SNX10: variants seen among roughly 807,000 people sequenced by gnomAD.
SNX10 encodes sorting nexin-10.
Under a neutral mutation model 28.5 loss-of-function variants are expected in SNX10, and 25 were observed. The observed-to-expected ratio is 0.88, with a 90% CI of 0.64 to 1.22. The LOEUF (loss-of-function observed/expected upper bound fraction) is 1.22. Among genes scored for constraint, SNX10 ranks in the 50% most tolerant of loss-of-function variants. The pLI, the probability that SNX10 is intolerant of heterozygous loss-of-function variation, is 0.00. For synonymous variants in SNX10, 62 were observed against 81.4 expected, an observed-to-expected ratio of 0.76 and a Z score of 1.28; for missense variants, 223 against 242.6, an observed-to-expected ratio of 0.92 and a Z score of 0.54.
intron 1 of SNX10, among the ~76,000 whole-genome samples, chr7:26,328,081 G>T (rs905200864): frequency 7.9e-5 from 12 of 152,128 alleles, no homozygotes; most frequent in African/African-American, 2.9e-4. Context: ...TGCTAAGTAT[G>T]TTGGGCCCTA....
chr7:26,313,487 G>A lies in SNX10; in HGVS notation c.-24+21401G>A, dbSNP rs183647433. Among the ~76,000 whole-genome samples, 6 of 152,306 alleles carry A rather than the reference G, an allele frequency of 3.9e-5. No homozygotes were observed. The East Asian group carries it at 1.2e-3, about 29-fold the overall frequency. Reference sequence around the variant, plus strand: ...TTGTGATTGTTTTGCCAGCATGGGAGGACCTACTATATCTGGGACTCTATG... The same window carrying A: ...TTGTGATTGTTTTGCCAGCATGGGAAGACCTACTATATCTGGGACTCTATG... On this transcript the variant is annotated intron_variant, in intron 1 of 6. Coordinates refer to ENST00000338523, the MANE Select transcript of SNX10 (RefSeq NM_013322.3).
At chr7:26,297,152 A>G (rs1448093216) in intron 1 of SNX10, among the ~76,000 whole-genome samples, 1 of 152,240 alleles carries the variant, frequency 6.6e-6, no homozygotes, top group Non-Finnish European at 1.5e-5. Flanking sequence ...GCTGGAGTGC[A>G]GTGGCACAAT....
chr7:26,362,087 T>C (rs1789098905), intron 3 of SNX10, among the ~76,000 whole-genome samples: 1 of 152,240 alleles, frequency 6.6e-6, no homozygotes, highest in South Asian at 2.1e-4. Flanking sequence ...TAAATTCTCC[T>C]TTCTTCTCTT....
intron 1 of SNX10, among the ~76,000 whole-genome samples, chr7:26,325,306 A>AATATATATATATATATATAT (rs149785859): frequency 0.057 from 2,933 of 51,134 alleles, 588 homozygotes; most frequent in Non-Finnish European, 0.11. Context: ...AAGTTTGCAA[A>AATATATATATATATATATAT]ATATATATAT....
chr7:26,306,053 C>G (rs1374146388), intron 1 of SNX10, among the ~76,000 whole-genome samples: 2 of 151,888 alleles, frequency 1.3e-5, no homozygotes, highest in Non-Finnish European at 2.9e-5. Context: ...AGCCACCACA[C>G]CTGGCTAAAT....
At chr7:26,366,931 GT>G (rs1022003407) in intron 5 of SNX10, among the ~76,000 whole-genome samples, 1 of 152,192 alleles carries the variant, frequency 6.6e-6, no homozygotes, top group African/African-American at 2.4e-5. Flanking sequence ...TGGTTTGACT[GT>G]TTGCTGGTTG....
chr7:26,332,765 G>A (rs553172198), intron 1 of SNX10, among the ~76,000 whole-genome samples: 2 of 152,288 alleles, frequency 1.3e-5, no homozygotes, highest in African/African-American at 4.8e-5. Context: ...TAAGGTAGGA[G>A]CTCAACTTCA....
chr7:26,293,871 A>G (rs964569063), intron 1 of SNX10, among the ~76,000 whole-genome samples: 1 of 152,184 alleles, frequency 6.6e-6, no homozygotes, highest in African/African-American at 2.4e-5. Flanking sequence ...TAAAAAAAAT[A>G]AAAGTATGTT....
chr7:26,322,871 C>T (rs1787361425), intron 1 of SNX10, among the ~76,000 whole-genome samples: 1 of 152,058 alleles, frequency 6.6e-6, no homozygotes, highest in South Asian at 2.1e-4. Context: ...ATGTCTCTAC[C>T]CTCTTGGAGC....
Position 26,364,923 on chromosome 7 carries a change from A to G in SNX10, c.213-124A>G, listed in dbSNP as rs1789228120. ...TTATATAACTATATAATGTATAATC[A>G]TAATTATAGAATAACTGTGTGATAA... On this transcript the variant is annotated intron_variant, in intron 4 of 6. Transcript: ENST00000338523. The surrounding 1 kb of genome is among the most constrained non-coding windows in gnomAD (Gnocchi z 4.9). 2 of 630,766 alleles carry G rather than the reference A, an allele frequency of 3.2e-6. No individual in the cohort carries two copies. Among genetic ancestry groups the G allele is most frequent in the Non-Finnish European group, 5.7e-6 (2 of 352,240 alleles). 39.1% of individuals were successfully genotyped at this position (630,766 alleles called of 1,614,324 possible).
chr7:26,368,658 G>T (rs1789386859), intron 5 of SNX10, among the ~76,000 whole-genome samples: 1 of 152,086 alleles, frequency 6.6e-6, no homozygotes, highest in Admixed American at 6.5e-5. Context: ...GAATATTAAA[G>T]ATTTTTTACA....
At chr7:26,329,776 C>T (rs1343259707) in intron 1 of SNX10, among the ~76,000 whole-genome samples, 2 of 152,116 alleles carry the variant, frequency 1.3e-5, no homozygotes, top group Non-Finnish European at 2.9e-5. Flanking sequence ...CAGTCACAGA[C>T]GTGGCGGGAT....
At chr7:26,301,473 G>T (rs1172842901) in intron 1 of SNX10, among the ~76,000 whole-genome samples, 1 of 152,112 alleles carries the variant, frequency 6.6e-6, no homozygotes. Context: ...GATTCCTGGG[G>T]ATGAGAGAAC....
intron 1 of SNX10, among the ~76,000 whole-genome samples, chr7:26,310,773 CTGG>C (rs1786804268): frequency 1.3e-5 from 2 of 151,642 alleles, no homozygotes; most frequent in African/African-American, 2.4e-5. Flanking sequence ...GCTCCGCCTC[CTGG>C]GGTTCACGCC....
intron 2 of SNX10, among the ~76,000 whole-genome samples, chr7:26,353,426 A>G (rs1584158278): frequency 6.9e-6 from 1 of 144,000 alleles, no homozygotes; most frequent in African/African-American, 2.5e-5. Flanking sequence ...TGATTAACAC[A>G]CTGGTAAATG....
chr7:26,371,813 T>G lies in SNX10; in HGVS notation c.312-8T>G, dbSNP rs34578197. The G allele has an allele frequency of 6.3e-7, 1 of 1,580,770 alleles. No individual in the cohort carries two copies. Among genetic ancestry groups the G allele is most frequent in the Admixed American group, 1.8e-5 (1 of 55,852 alleles). ...CACCAATTATTTTTCCTTTTTTTTT[T>G]AATATAGAGTCCTACAGAATGCACT... On this transcript the variant is annotated splice_region_variant and splice_polypyrimidine_tract_variant and intron_variant, in intron 5 of 6. Transcript: ENST00000338523.
chr7:26,314,239 A>G (rs571751179), intron 1 of SNX10, among the ~76,000 whole-genome samples: 3 of 150,366 alleles, frequency 2.0e-5, no homozygotes, highest in South Asian at 4.3e-4. Context: ...CATTCTTGTA[A>G]AGGACATAAT....
In SNX10 at chr7:26,325,130, A is replaced by G. The variant is rs1005509434; in HGVS notation, c.-23-21290A>G. Reference sequence around the variant, plus strand: ...GCTAGCATAGCACCTACAGACTCCAAGATGACCTTTTTCTGTGACTAATAA... The same window carrying G: ...GCTAGCATAGCACCTACAGACTCCAGGATGACCTTTTTCTGTGACTAATAA... On this transcript the variant is annotated intron_variant, in intron 1 of 6. Transcript: ENST00000338523. Among the ~76,000 whole-genome samples, 3 of 151,618 alleles carry G rather than the reference A, an allele frequency of 2.0e-5. No homozygotes were observed. In the South Asian group the frequency reaches 6.3e-4, roughly 32 times the overall value.
intron 2 of SNX10, chr7:26,357,086 C>T (rs1355792186): frequency 8.2e-7 from 1 of 1,216,910 alleles, no homozygotes; most frequent in East Asian, 5.9e-5. Context: ...ACAGCCTAAG[C>T]TGCCCTACAG....
Sources: gnomAD v4.1 joint callset for allele counts (sites outside exome capture counted in the v4.1 genomes callset) on GRCh38, gnomAD v4.1.1 for gene constraint, Gnocchi (gnomAD v3.1) non-coding constraint, MANE v1.5 for transcripts, NCBI Gene and HGNC (gene_info 2026-07-23, HGNC 2026-07-21) for gene names.